HIVEP3: variants seen among roughly 807,000 people sequenced by gnomAD.
HIVEP3 encodes transcription factor HIVEP3.
In HIVEP3, 49 loss-of-function variants were observed where a neutral mutation model predicts 152.8. The observed-to-expected ratio is 0.32, with a 90% CI of 0.26 to 0.41. The LOEUF (loss-of-function observed/expected upper bound fraction) is 0.41, where lower values mean the gene tolerates loss of function less well. Among genes scored for constraint, HIVEP3 ranks in the 10% least tolerant of loss-of-function variants. HIVEP3 has a pLI of 1.00. For synonymous variants in HIVEP3, 1,269 were observed against 1,289.0 expected (o/e 0.98, Z 0.33); for missense variants, 2,790 against 3,103.3 (o/e 0.90, Z 2.40).
At chr1:41,570,423 C>G (rs1241748291) in intron 5 of HIVEP3, among the ~76,000 whole-genome samples, 1 of 152,116 alleles carries the variant, frequency 6.6e-6, no homozygotes, top group Non-Finnish European at 1.5e-5. Flanking sequence ...CTCATGAAAC[C>G]TGATGGTTTC....
At chr1:41,712,815 C>A (rs1468759850) in intron 1 of HIVEP3, among the ~76,000 whole-genome samples, 3 of 152,186 alleles carry the variant, frequency 2.0e-5, no homozygotes, top group Non-Finnish European at 4.4e-5. Context: ...AAACTGGTGC[C>A]CTCCCAGGCT....
At chr1:41,665,952 A>G (rs4660198) in intron 2 of HIVEP3, among the ~76,000 whole-genome samples, 19,936 of 152,056 alleles carry the variant, frequency 0.13, 2,158 homozygotes, top group East Asian at 0.56. Flanking sequence ...TGTTGGGAGC[A>G]CTTTTAAGGT....
intron 3 of HIVEP3, among the ~76,000 whole-genome samples, chr1:41,600,892 T>C (rs1644736887): frequency 1.3e-5 from 2 of 152,196 alleles, no homozygotes. Context: ...TAATCCATTT[T>C]GAGTTGATCT....
chr1:41,857,599 A>T (rs1643803793), intron 1 of HIVEP3, among the ~76,000 whole-genome samples: 1 of 152,202 alleles, frequency 6.6e-6, no homozygotes, highest in Admixed American at 6.5e-5. Flanking sequence ...CAGAGGAACT[A>T]GACGGGAACT....
chr1:41,797,565 G>A (rs1313983833), intron 1 of HIVEP3, among the ~76,000 whole-genome samples: 1 of 152,152 alleles, frequency 6.6e-6, no homozygotes. Context: ...TGTACTTCTA[G>A]AACCAAGAAG....
At chr1:42,014,725 A>G (rs1402426766) in intron 1 of HIVEP3, among the ~76,000 whole-genome samples, 1 of 152,224 alleles carries the variant, frequency 6.6e-6, no homozygotes, top group Non-Finnish European at 1.5e-5. Flanking sequence ...GCTATGATCA[A>G]TAACAAATTT....
chr1:41,988,756 T>C (rs114099097), intron 1 of HIVEP3, among the ~76,000 whole-genome samples: 233 of 152,332 alleles, frequency 1.5e-3, no homozygotes, highest in African/African-American at 4.9e-3. Flanking sequence ...TGAAGAGATA[T>C]ATGCAACTCC....
chr1:41,779,626 G>A (rs1301406638), intron 1 of HIVEP3, among the ~76,000 whole-genome samples: 4 of 152,244 alleles, frequency 2.6e-5, no homozygotes, highest in African/African-American at 9.6e-5. Context: ...CTCCCGAATA[G>A]CTGGGATTAC....
intron 2 of HIVEP3, among the ~76,000 whole-genome samples, chr1:41,650,197 A>C (rs1558148138): frequency 6.6e-6 from 1 of 152,056 alleles, no homozygotes; most frequent in East Asian, 1.9e-4. Flanking sequence ...GGTCAAGAAG[A>C]AAGGACCCGA....
chr1:41,923,392 A>G (rs897661995), upstream of HIVEP3, among the ~76,000 whole-genome samples: 9 of 152,246 alleles, frequency 5.9e-5, no homozygotes, highest in Non-Finnish European at 1.2e-4. Context: ...AGGCACAGAG[A>G]AACAAATACT....
chr1:41,738,858 T>C (rs1295489834), intron 1 of HIVEP3, among the ~76,000 whole-genome samples: 2 of 152,234 alleles, frequency 1.3e-5, no homozygotes, highest in African/African-American at 4.8e-5. Flanking sequence ...TAAAGAAACC[T>C]ATGGAGAGAA....
intron 2 of HIVEP3, among the ~76,000 whole-genome samples, chr1:41,683,512 T>A (rs1646070994): frequency 6.6e-6 from 1 of 152,048 alleles, no homozygotes; most frequent in African/African-American, 2.4e-5. Context: ...GAATATGGAG[T>A]CCTTAGGGAT....
At chr1:41,734,045 C>T (rs1646880520) in intron 1 of HIVEP3, among the ~76,000 whole-genome samples, 2 of 152,174 alleles carry the variant, frequency 1.3e-5, no homozygotes, top group South Asian at 4.1e-4. Context: ...CCCTCACCCC[C>T]TCCTTGCTCT....
intron 1 of HIVEP3, among the ~76,000 whole-genome samples, chr1:41,898,422 T>C (rs1644568547): frequency 6.6e-6 from 1 of 152,138 alleles, no homozygotes; most frequent in African/African-American, 2.4e-5. Context: ...CTTGCACTCA[T>C]CTCTAAGTAG....
intron 3 of HIVEP3, among the ~76,000 whole-genome samples, chr1:41,610,739 C>T (rs1013193382): frequency 1.3e-5 from 2 of 152,170 alleles, no homozygotes; most frequent in Non-Finnish European, 2.9e-5. Context: ...GAATTCCGAG[C>T]GCAATTTCTT....
intron 1 of HIVEP3, among the ~76,000 whole-genome samples, chr1:41,886,481 G>A (rs1035814906): frequency 6.6e-6 from 1 of 152,094 alleles, no homozygotes; most frequent in African/African-American, 2.4e-5. Flanking sequence ...GTGACACCGA[G>A]GCAGGCGGAT....
chr1:41,997,048 A>T (rs1393042695), intron 1 of HIVEP3, among the ~76,000 whole-genome samples: 7 of 152,230 alleles, frequency 4.6e-5, no homozygotes, highest in African/African-American at 1.7e-4. Context: ...ACTCAATCAC[A>T]TCTGCCAAGT....
chr1:41,761,353 TGA>T (rs1444040283), intron 1 of HIVEP3, among the ~76,000 whole-genome samples: 1 of 152,152 alleles, frequency 6.6e-6, no homozygotes, highest in Non-Finnish European at 1.5e-5. Context: ...TGTGAGTGTA[TGA>T]GTGTGTATGC....
At chr1:41,953,859 T>A (rs1210060887) in intron 1 of HIVEP3, among the ~76,000 whole-genome samples, 4 of 152,176 alleles carry the variant, frequency 2.6e-5, no homozygotes, top group Admixed American at 2.6e-4. Context: ...TGACTTTTGT[T>A]TGCACAAAAA....
Sources: allele counts gnomAD v4.1 joint callset (sites outside exome capture counted in the v4.1 genomes callset), GRCh38; gene constraint gnomAD v4.1.1; transcripts MANE v1.5; gene names NCBI Gene and HGNC (gene_info 2026-07-23, HGNC 2026-07-21).